The following NBEAL1 variants were observed in gnomAD, a reference collection of about 807,000 sequenced individuals.
NBEAL1 encodes neurobeachin-like protein 1.
A neutral mutation model predicts 351.3 loss-of-function variants in NBEAL1; 273 were observed. That is an observed-to-expected ratio of 0.78 (90% CI 0.70 to 0.86). The LOEUF is 0.86. Ranked by LOEUF, NBEAL1 falls within the 40% of genes least tolerant of loss-of-function variation. The pLI is 0.00. For missense variants in NBEAL1, 2,961 were observed against 3,201.3 expected (o/e 0.92, Z 1.81); for synonymous variants, 1,050 against 1,086.4 (o/e 0.97, Z 0.66).
intron 18 of NBEAL1, among the ~76,000 whole-genome samples, chr2:203,121,154 G>A (rs2062821361): frequency 1.3e-5 from 2 of 152,014 alleles, no homozygotes; most frequent in South Asian, 4.2e-4. Flanking sequence ...ACAACATGAG[G>A]GAAAATAGTA....
chr2:203,105,932 T>C (rs1005273574), intron 12 of NBEAL1, among the ~76,000 whole-genome samples: 1 of 152,174 alleles, frequency 6.6e-6, no homozygotes, highest in Non-Finnish European at 1.5e-5. Flanking sequence ...ATAATGACCC[T>C]TTATTTAGTC....
At chr2:203,201,180 A>G (rs1176893418) in intron 49 of NBEAL1, among the ~76,000 whole-genome samples, 1 of 152,132 alleles carries the variant, frequency 6.6e-6, no homozygotes, top group Non-Finnish European at 1.5e-5. Context: ...GTTTAAGTTT[A>G]TTTCTGATAT....
Position 203,175,969 on chromosome 2 carries a change from C to G in NBEAL1, c.6464+682C>G, listed in dbSNP as rs563651588. 3.3e-5 allele frequency among the ~76,000 whole-genome samples: 5 copies of G among 152,172 alleles called. No homozygotes were observed. In the South Asian group the frequency reaches 8.3e-4, roughly 25 times the overall value. Reference sequence around the variant, plus strand: ...CACAGTTAACCTGGGTTCCTTATTTCTGTTTATGTACAATAAGCCTTGGCT... The same window carrying G: ...CACAGTTAACCTGGGTTCCTTATTTGTGTTTATGTACAATAAGCCTTGGCT... On this transcript the variant is annotated intron_variant, in intron 42 of 55. Coordinates refer to ENST00000683969, the MANE Select transcript of NBEAL1 (RefSeq NM_001378026.1).
chr2:203,093,159 G>A (rs998674968), intron 10 of NBEAL1, among the ~76,000 whole-genome samples: 8 of 142,694 alleles, frequency 5.6e-5, no homozygotes, highest in Middle Eastern at 3.6e-3. Context: ...TTGAACCCAG[G>A]AGGTGGAGGT....
rs558057108 is a variant in NBEAL1, at chr2:203,057,517, A to G, written c.515+64A>G. On this transcript the variant is annotated intron_variant, in intron 6 of 55. Transcript: ENST00000683969. The stretch of plus-strand genomic sequence containing the variant: ...ATGTCATAATATATTTGATTCTTCA[A>G]AGCAGGTCTTCTCTATGAAAGCAAT... The G allele has an allele frequency of 1.4e-4, 199 of 1,388,482 alleles. 1 individual carries two copies. In the African/African-American group the frequency reaches 2.6e-3, roughly 18 times the overall value. The allele number at this position is 1,388,482 out of a possible 1,614,324, so 86.0% of individuals were successfully genotyped here.
intron 36 of NBEAL1, among the ~76,000 whole-genome samples, chr2:203,158,232 ACAAG>A (rs2063848860): frequency 6.6e-6 from 1 of 152,200 alleles, no homozygotes; most frequent in South Asian, 2.1e-4. Flanking sequence ...GTTATTAAAA[ACAAG>A]CAAACAAAAA....
rs2065991800 is a variant in NBEAL1 at position 203,224,859 on chromosome 2, T to G, written c.*7505T>G. ...TTTTAATAAAGATGTATAAATAATT[T>G]TGATTATTCTCATTGTAGTTAAGTT... is the stretch of plus-strand genomic sequence containing the variant. On this transcript the variant is annotated 3_prime_UTR_variant, in exon 56 of 56. Transcript: ENST00000683969. Among the ~76,000 whole-genome samples the G allele has an allele frequency of 6.6e-6, 1 of 152,210 alleles. No individual in the cohort carries two copies. Among genetic ancestry groups the G allele is most frequent in the Admixed American group, 6.5e-5 (1 of 15,278 alleles).
chr2:203,104,188 G>A (rs370758479), intron 12 of NBEAL1, among the ~76,000 whole-genome samples: 20 of 152,028 alleles, frequency 1.3e-4, no homozygotes, highest in East Asian at 3.9e-4. Flanking sequence ...ATCTGTCCAA[G>A]TATACTGTAG....
chr2:203,144,448 C>A lies in NBEAL1; in HGVS notation c.4849-152C>A, dbSNP rs2063459284. The A allele has an allele frequency of 4.4e-6, 3 of 679,018 alleles. No individual in the cohort carries two copies. The East Asian group carries it at 8.3e-5, about 19-fold the overall frequency. The allele number at this position is 679,018 out of a possible 1,614,324, so 42.1% of individuals were successfully genotyped here. On this transcript the variant is annotated intron_variant, in intron 31 of 55. Transcript: ENST00000683969. ...TACCTGTGAAACTGTAGCAGCTAAC[C>A]CTTTAGCTTGGAGGCAAAGTAACAT... is the stretch of plus-strand genomic sequence containing the variant.
chr2:203,092,001 A>T (rs958818117), intron 10 of NBEAL1, among the ~76,000 whole-genome samples: 1 of 152,234 alleles, frequency 6.6e-6, no homozygotes, highest in African/African-American at 2.4e-5. Flanking sequence ...TAATTTACTT[A>T]ACTACACCCT....
chr2:203,217,087 A>T (rs997583439), intron 55 of NBEAL1, among the ~76,000 whole-genome samples, 166 bp from the exon 56 acceptor site: 4 of 152,216 alleles, frequency 2.6e-5, no homozygotes, highest in Non-Finnish European at 4.4e-5. Flanking sequence ...TACAGGCATG[A>T]GTCACCACAC....
intron 25 of NBEAL1, 92 bp downstream of exon 25, chr2:203,130,568 T>C: frequency 1.3e-6 from 1 of 791,528 alleles, no homozygotes; most frequent in Non-Finnish European, 1.7e-6. Context: ...CTATAAATTA[T>C]TTTTATATCT....
chr2:203,138,191 T>G lies in NBEAL1; in HGVS notation c.4595T>G (p.Ile1532Ser). 6.2e-7 allele frequency: 1 copy of G among 1,614,076 alleles called. No homozygotes were observed. Among genetic ancestry groups the G allele is most frequent in the East Asian group, 2.2e-5 (1 of 44,866 alleles). Reference sequence around the variant, plus strand: ...CTACAAAAGATGTTAGAATGGGCAATCTCAGAAAACAGAGAAGCAAAAACT... The same window carrying G: ...CTACAAAAGATGTTAGAATGGGCAAGCTCAGAAAACAGAGAAGCAAAAACT... The part of the protein sequence containing the change: ...TLLQKMLEWA[I>S]SENREAKTNP... The change falls in exon 30 of 56, where the codon ATC (isoleucine) becomes AGC (serine). Residue 1532 changes from isoleucine to serine, a missense_variant. Transcript: ENST00000683969.
chr2:203,049,918 A>G lies in NBEAL1; in HGVS notation c.248A>G (p.Glu83Gly), dbSNP rs754989696. ...GTTCAGAAAATGGCAGATGGGTTAG[A>G]GGAACAACAGCAAGCCTTGTCAATT... ...QCVQKMADGL[E>G]EQQQALSILL... The change falls in exon 4 of 56, where the codon GAG (glutamate) becomes GGG (glycine). Residue 83 changes from glutamate to glycine, a missense_variant. Transcript: ENST00000683969. 31 of 1,556,372 alleles carry G rather than the reference A, an allele frequency of 2.0e-5. No individual in the cohort carries two copies. The highest frequency in any genetic ancestry group is 1.7e-4 in the South Asian group (14 of 84,560).
chr2:203,176,484 G>A (rs1313032519), intron 42 of NBEAL1, among the ~76,000 whole-genome samples: 2 of 152,002 alleles, frequency 1.3e-5, no homozygotes, highest in African/African-American at 2.4e-5. Flanking sequence ...CAGCACTTTG[G>A]GAGGCCAAGG....
chr2:203,207,531 G>A (rs944462245), intron 51 of NBEAL1, among the ~76,000 whole-genome samples: 5 of 152,258 alleles, frequency 3.3e-5, no homozygotes, highest in Non-Finnish European at 7.3e-5. Context: ...GTTAGAAAGA[G>A]GTAGACATGG....
intron 42 of NBEAL1, among the ~76,000 whole-genome samples, chr2:203,175,777 T>C (rs2064480918): frequency 6.6e-6 from 1 of 152,198 alleles, no homozygotes; most frequent in African/African-American, 2.4e-5. Flanking sequence ...AAACCAGCTT[T>C]TCCATGAATC....
At chr2:203,085,748 G>A (rs2061951268) in intron 10 of NBEAL1, 1 of 152,094 alleles carries the variant, frequency 6.6e-6, no homozygotes, top group African/African-American at 2.4e-5. Flanking sequence ...CATACTCATT[G>A]TAAATGGAAA....
intron 2 of NBEAL1, chr2:203,040,334 C>G: frequency 1.4e-6 from 1 of 724,954 alleles, no homozygotes; most frequent in Non-Finnish European, 2.5e-6. Flanking sequence ...GAAATGAGAC[C>G]TCATGCCTTG....
Sources: gnomAD v4.1 joint callset for allele counts (sites outside exome capture counted in the v4.1 genomes callset) on GRCh38, gnomAD v4.1.1 for gene constraint, MANE v1.5 for transcripts, NCBI Gene and HGNC (gene_info 2026-07-23, HGNC 2026-07-21) for gene names.